Variants in CFH observed in about 807,000 individuals in gnomAD.
The protein encoded by CFH is H factor 1 (complement).
In CFH, 53 loss-of-function variants were observed where a neutral mutation model predicts 147.3. That is an observed-to-expected ratio of 0.36 (90% CI 0.29 to 0.45). The LOEUF is 0.45. Among genes scored for constraint, CFH ranks in the 20% least tolerant of loss-of-function variants. CFH has a pLI of 1.00. For synonymous variants in CFH, 536 were observed against 489.4 expected (o/e 1.10, Z -1.26); for missense variants, 1,380 against 1,498.0 (o/e 0.92, Z 1.30).
intron 10 of CFH, among the ~76,000 whole-genome samples, chr1:196,714,656 TATATATATATATAGAGAGAGAG>T (rs1261074134): frequency 1.8e-4 from 9 of 49,346 alleles, no homozygotes; most frequent in East Asian, 1.0e-3. Context: ...TATATATATA[TATATATATATATAGAGAGAGAG>T]AGAGAGAGAG....
At position 196,715,467 on chromosome 1, in the gene CFH, A is replaced by G. The variant is rs1394484379; in HGVS notation, c.1520-126A>G. The stretch of plus-strand genomic sequence containing the variant: ...AACAAATTCTCACCAGTCATAGATT[A>G]TTTTTGTACGGTACCTATTTATTAG... On this transcript the variant is annotated intron_variant, in intron 10 of 21. Transcript: ENST00000367429. The G allele has an allele frequency of 1.7e-5, 12 of 722,646 alleles. 1 individual carries two copies. The highest frequency in any genetic ancestry group is 8.3e-5 in the South Asian group (5 of 60,134). The allele number at this position is 722,646 out of a possible 1,614,324, so 44.8% of individuals were successfully genotyped here. A position where few individuals can be genotyped will look rare whatever the true frequency, so the allele number is the denominator to read the frequency against.
chr1:196,689,740 C>A, intron 8 of CFH, 126 bp downstream of exon 8: 2 of 1,018,988 alleles, frequency 2.0e-6, no homozygotes, highest in Non-Finnish European at 3.0e-6. Flanking sequence ...GTTGTTCAAG[C>A]AAAGTGACCA....
chr1:196,654,061 T>C (rs1666595123), intron 1 of CFH, among the ~76,000 whole-genome samples: 1 of 152,094 alleles, frequency 6.6e-6, no homozygotes, highest in African/African-American at 2.4e-5. Context: ...ATCTACCATA[T>C]CTAAAAAATT....
Position 196,742,054 on chromosome 1 carries a change from A to T in CFH, c.3133+3A>T. The T allele has an allele frequency of 6.2e-7, 1 of 1,613,902 alleles. No individual in the cohort carries two copies. The highest frequency in any genetic ancestry group is 8.5e-7 in the Non-Finnish European group (1 of 1,179,824). The stretch of plus-strand genomic sequence containing the variant: ...GACAGGAAGGCCAACATGCAGAGGT[A>T]CTTTGGTGAATTTTCAAAATTTATT... On this transcript the variant is annotated splice_donor_region_variant and intron_variant, in intron 19 of 21. Coordinates refer to ENST00000367429, the MANE Select transcript of CFH (RefSeq NM_000186.4).
chr1:196,696,775 C>G (rs1298259626), intron 9 of CFH, among the ~76,000 whole-genome samples: 4 of 152,136 alleles, frequency 2.6e-5, no homozygotes, highest in Non-Finnish European at 5.9e-5. Context: ...CCACAGTAAC[C>G]AAAATAGCAT....
intron 9 of CFH, among the ~76,000 whole-genome samples, chr1:196,710,627 G>C (rs577560713): frequency 6.6e-6 from 1 of 151,926 alleles, no homozygotes; most frequent in Non-Finnish European, 1.5e-5. Flanking sequence ...CAGCATGTTC[G>C]TATGTGCAAA....
intron 10 of CFH, among the ~76,000 whole-genome samples, chr1:196,714,701 A>AGAGT: frequency 1.4e-5 from 1 of 69,260 alleles, no homozygotes; most frequent in Admixed American, 1.8e-4. Flanking sequence ...AGAGAGAGAG[A>AGAGT]GAGAGAGAGA....
At chr1:196,720,378 C>T (rs753912041) in intron 11 of CFH, among the ~76,000 whole-genome samples, 39 of 151,976 alleles carry the variant, frequency 2.6e-4, no homozygotes, top group Non-Finnish European at 4.4e-4. Flanking sequence ...GTGTATTCAT[C>T]ACCCAAATAC....
intron 9 of CFH, among the ~76,000 whole-genome samples, chr1:196,693,380 G>T (rs957352032): frequency 6.6e-6 from 1 of 152,068 alleles, no homozygotes; most frequent in African/African-American, 2.4e-5. Flanking sequence ...TGATTCTTCT[G>T]AAGATAGACA....
intron 21 of CFH, 22 bp from the exon 22 acceptor site, chr1:196,747,089 G>A: frequency 5.0e-6 from 8 of 1,613,446 alleles, no homozygotes; most frequent in Non-Finnish European, 5.9e-6. Context: ...AATGTTTTAT[G>A]TTTACTGTTT....
rs1195492674 is a variant in CFH at position 196,679,914 on chromosome 1, TA to T, written c.790+127del. ...GCTAATTTATGTAAATAAACTATTA[TA>T]AAAAACATATAGCATTTTCTGTGTT... On this transcript the variant is annotated intron_variant, in intron 6 of 21. Coordinates refer to ENST00000367429, the MANE Select transcript of CFH (RefSeq NM_000186.4). 57 of 892,038 alleles carry T rather than the reference TA, an allele frequency of 6.4e-5. No individual in the cohort carries two copies. In the South Asian group the frequency reaches 8.5e-4, roughly 13 times the overall value. 55.3% of individuals were successfully genotyped at this position (892,038 alleles called of 1,614,324 possible). A position where few individuals can be genotyped will look rare whatever the true frequency, so the allele number is the denominator to read the frequency against.
At position 196,737,619 on chromosome 1, in the gene CFH, C is replaced by A. The variant is rs754327480; in HGVS notation, c.2741C>A (p.Thr914Lys). Reference sequence around the variant, plus strand: ...AGGATATCTGAAGAAAATGAAACAACATGCTACATGGGAAAATGGAGTTCT... The same window carrying A: ...AGGATATCTGAAGAAAATGAAACAAAATGCTACATGGGAAAATGGAGTTCT... Reference protein sequence around the residue: ...GFRISEENETTCYMGKWSSPP... With the variant: ...GFRISEENETKCYMGKWSSPP... The change falls in exon 17 of 22, where the codon ACA (threonine) becomes AAA (lysine). Residue 914 changes from threonine (T) to lysine (K), a missense_variant. This residue lies in a region of CFH where 830 missense variants were observed against 821.4 expected (regional missense o/e 1.01). Coordinates refer to ENST00000367429, the MANE Select transcript of CFH (RefSeq NM_000186.4). 1.2e-6 allele frequency: 2 copies of A among 1,613,282 alleles called. No individual in the cohort carries two copies. The highest frequency in any genetic ancestry group is 1.7e-6 in the Non-Finnish European group (2 of 1,179,612).
intron 21 of CFH, among the ~76,000 whole-genome samples, chr1:196,746,241 T>A (rs1652999338): frequency 6.8e-6 from 1 of 147,828 alleles, no homozygotes; most frequent in Admixed American, 6.6e-5. Flanking sequence ...GTCAGGAGAT[T>A]GAGGACCATC....
chr1:196,741,156 A>G (rs925874632), intron 18 of CFH: 3 of 275,508 alleles, frequency 1.1e-5, no homozygotes, highest in Non-Finnish European at 2.1e-5. Flanking sequence ...AAAAATCATT[A>G]TAAGTATTTC....
chr1:196,701,263 T>C, intron 9 of CFH: 1 of 1,612,638 alleles, frequency 6.2e-7, no homozygotes, highest in Non-Finnish European at 8.5e-7. Context: ...GAGTTGCTAG[T>C]GGAATCTCAG....
At chr1:196,664,364 C>T (rs551499340) in intron 1 of CFH, among the ~76,000 whole-genome samples, 3 of 152,054 alleles carry the variant, frequency 2.0e-5, no homozygotes, top group Admixed American at 1.3e-4. Context: ...GGCTGGCCAC[C>T]TGGTTTTATT....
chr1:196,666,959 T>A (rs1045220124), intron 1 of CFH, among the ~76,000 whole-genome samples: 2 of 152,072 alleles, frequency 1.3e-5, no homozygotes, highest in Admixed American at 6.6e-5. Flanking sequence ...TGAATATGCA[T>A]CTTGCAATTG....
chr1:196,659,989 C>T (rs1666847680), intron 1 of CFH, among the ~76,000 whole-genome samples: 2 of 152,110 alleles, frequency 1.3e-5, no homozygotes, highest in African/African-American at 4.8e-5. Flanking sequence ...ACCTAATGAA[C>T]AAAAATAGTT....
In CFH at chr1:196,726,631, A is replaced by G. The variant is rs779891861; in HGVS notation, c.2035A>G (p.Thr679Ala). ...AATTCAATGTGTTGATGGAGAGTGGACAACTTTACCAGTGTGTATTGGTAA... is the reference window on the plus strand; with the variant it reads ...AATTCAATGTGTTGATGGAGAGTGGGCAACTTTACCAGTGTGTATTGGTAA... The part of the protein sequence containing the change: ...NKIQCVDGEW[T>A]TLPVCIVEES... Residue 679 changes from threonine to alanine, a missense_variant, in exon 13 of 22, where the codon ACA becomes GCA. Around this residue, in one of 4 missense-constraint regions of CFH, gnomAD observed 830 missense variants for 821.4 expected, o/e 1.01. Transcript: ENST00000367429. 2.5e-6 allele frequency: 4 copies of G among 1,611,740 alleles called. No homozygotes were observed. In the South Asian group the frequency reaches 4.4e-5, roughly 18 times the overall value.
Sources: allele counts gnomAD v4.1 joint callset (sites outside exome capture counted in the v4.1 genomes callset), GRCh38; gene constraint gnomAD v4.1.1; regional missense constraint gnomAD v4.1.1; transcripts MANE v1.5; gene names NCBI Gene and HGNC (gene_info 2026-07-23, HGNC 2026-07-21).